PATJ: variants seen among roughly 807,000 people sequenced by gnomAD.
PATJ encodes the protein inaD-like protein.
Under a neutral mutation model 224.9 loss-of-function variants are expected in PATJ, and 190 were observed. The observed-to-expected ratio is 0.84, with a 90% confidence interval of 0.75 to 0.95. PATJ has a LOEUF of 0.95. Among genes scored for constraint, PATJ ranks in the 40% least tolerant of loss-of-function variants. The probability of loss-of-function intolerance (pLI) is 0.00; values close to 1 mark genes in which losing one functional copy is unlikely to be tolerated. For missense variants in PATJ, 2,121 were observed against 2,270.3 expected, an observed-to-expected ratio of 0.93 and a Z score of 1.34; for synonymous variants, 769 against 820.3, an observed-to-expected ratio of 0.94 and a Z score of 1.07.
At chr1:62,071,566 C>T (rs1657417015) in intron 31 of PATJ, among the ~76,000 whole-genome samples, 1 of 146,568 alleles carries the variant, frequency 6.8e-6, no homozygotes, top group South Asian at 2.1e-4. Context: ...AATCTCAGCT[C>T]ACTGCAACCT....
intron 33 of PATJ, among the ~76,000 whole-genome samples, chr1:62,104,060 A>G (rs775034699): frequency 6.6e-5 from 10 of 151,586 alleles, no homozygotes; most frequent in Non-Finnish European, 1.3e-4. Context: ...AGTTTTAGAA[A>G]TCACTGGTAT....
At chr1:61,742,818 G>T (rs935391091) in intron 1 of PATJ, among the ~76,000 whole-genome samples, 1 of 150,326 alleles carries the variant, frequency 6.7e-6, no homozygotes, top group Non-Finnish European at 1.5e-5. Context: ...CCGTCCTCCT[G>T]CGTCGGGCCC....
intron 31 of PATJ, among the ~76,000 whole-genome samples, chr1:62,071,593 A>G (rs12730782): frequency 0.29 from 44,121 of 150,862 alleles, 7,414 homozygotes; most frequent in Non-Finnish European, 0.4. Flanking sequence ...CCCCAGGTAA[A>G]AGCAATTCTT....
At chr1:61,856,260 A>T in intron 18 of PATJ, 21 bp downstream of exon 18, 1 of 1,583,824 alleles carries the variant, frequency 6.3e-7, no homozygotes, top group Non-Finnish European at 8.7e-7. Context: ...TATTTTGTTA[A>T]TATAGGAAGT....
chr1:62,107,994 A>G (rs1302511131), intron 33 of PATJ, among the ~76,000 whole-genome samples: 1 of 152,184 alleles, frequency 6.6e-6, no homozygotes, highest in Non-Finnish European at 1.5e-5. Context: ...CATTCATTCC[A>G]CTAAGTTCTT....
intron 11 of PATJ, among the ~76,000 whole-genome samples, chr1:61,801,194 C>T (rs1189082457): frequency 6.6e-6 from 1 of 152,114 alleles, no homozygotes; most frequent in Non-Finnish European, 1.5e-5. Context: ...ACACTCCCAC[C>T]AACAGTGTAA....
intron 14 of PATJ, among the ~76,000 whole-genome samples, chr1:61,813,378 T>TATAC (rs1376176032): frequency 1.1e-3 from 51 of 46,342 alleles, no homozygotes; most frequent in East Asian, 2.0e-3. Context: ...TATATATATA[T>TATAC]ACACACACAC....
At chr1:62,151,452 G>A (rs1223308775) in intron 42 of PATJ, among the ~76,000 whole-genome samples, 1 of 151,968 alleles carries the variant, frequency 6.6e-6, no homozygotes, top group Non-Finnish European at 1.5e-5. Context: ...TTAGCCAGGA[G>A]TGGTGGCAGG....
intron 27 of PATJ, among the ~76,000 whole-genome samples, chr1:61,952,791 G>A (rs920470855): frequency 6.6e-6 from 1 of 152,128 alleles, no homozygotes; most frequent in Non-Finnish European, 1.5e-5. Context: ...CATTATTGTT[G>A]TTACTTGTGA....
chr1:61,772,765 T>C (rs1426323472), intron 6 of PATJ, among the ~76,000 whole-genome samples: 1 of 152,152 alleles, frequency 6.6e-6, no homozygotes, highest in African/African-American at 2.4e-5. Flanking sequence ...AGTCTATTTC[T>C]CCCATATCCT....
chr1:62,078,273 A>G (rs1181013652), intron 31 of PATJ, among the ~76,000 whole-genome samples: 1 of 152,022 alleles, frequency 6.6e-6, no homozygotes, highest in Non-Finnish European at 1.5e-5. Flanking sequence ...TTCTTAGTGT[A>G]TGTATGTATG....
chr1:61,838,516 G>C (rs1660564814), intron 17 of PATJ, among the ~76,000 whole-genome samples: 1 of 145,682 alleles, frequency 6.9e-6, no homozygotes, highest in South Asian at 2.3e-4. Context: ...TACCACGCCT[G>C]GCTAATTTTT....
chr1:62,021,674 G>T (rs551880915), intron 29 of PATJ, among the ~76,000 whole-genome samples: 3 of 152,110 alleles, frequency 2.0e-5, no homozygotes, highest in African/African-American at 7.2e-5. Context: ...AATTAGCTAA[G>T]TTTTTTTATA....
chr1:61,881,901 C>T (rs566163106), intron 21 of PATJ, among the ~76,000 whole-genome samples: 6 of 152,242 alleles, frequency 3.9e-5, no homozygotes, highest in East Asian at 3.9e-4. Context: ...ACAATAGATG[C>T]GACTTCCATT....
chr1:61,827,637 C>G (rs751339420), intron 16 of PATJ, 54 bp downstream of exon 16: 5 of 1,524,266 alleles, frequency 3.3e-6, no homozygotes, highest in Non-Finnish European at 4.5e-6. Context: ...ATCAAAGATG[C>G]CCCGAAGACT....
At chr1:61,969,783 T>C (rs1269701311) in intron 27 of PATJ, among the ~76,000 whole-genome samples, 1 of 152,082 alleles carries the variant, frequency 6.6e-6, no homozygotes, top group Non-Finnish European at 1.5e-5. Flanking sequence ...AACCTCCACC[T>C]CCTGGGTTCA....
At position 62,118,387 on chromosome 1, in the gene PATJ, T is replaced by C. The variant is rs1206989338; in HGVS notation, c.4890+1169T>C. ...GTTGAATGATTTCATTAAAGCCTTA[T>C]TGTATACAGAAGATTAGAATGAAGC... On this transcript the variant is annotated intron_variant, in intron 37 of 43. Transcript: ENST00000642238. Among the ~76,000 whole-genome samples, 6 of 152,236 alleles carry C rather than the reference T, an allele frequency of 3.9e-5. No individual in the cohort carries two copies. The East Asian group carries it at 9.7e-4, about 25-fold the overall frequency.
intron 6 of PATJ, among the ~76,000 whole-genome samples, chr1:61,774,119 CAAAAAA>C (rs35357345): frequency 8.7e-5 from 6 of 68,856 alleles, no homozygotes; most frequent in Admixed American, 1.9e-4. Context: ...GACTCCATCT[CAAAAAA>C]AAAAAAAAAA....
chr1:61,886,182 A>T (rs1668808924), intron 22 of PATJ, among the ~76,000 whole-genome samples: 1 of 152,202 alleles, frequency 6.6e-6, no homozygotes, highest in African/African-American at 2.4e-5. Flanking sequence ...TATAATTAAA[A>T]AAAAAAAGAT....
Sources: gnomAD v4.1 joint callset for allele counts (sites outside exome capture counted in the v4.1 genomes callset) on GRCh38, gnomAD v4.1.1 for gene constraint, MANE v1.5 for transcripts, NCBI Gene and HGNC (gene_info 2026-07-23, HGNC 2026-07-21) for gene names.